Variants in ARHGEF10 observed in about 807,000 individuals in gnomAD.
ARHGEF10 encodes the protein Rho guanine nucleotide exchange factor 10.
Under a neutral mutation model 147.4 loss-of-function variants are expected in ARHGEF10, and 140 were observed. The ratio of observed to expected loss-of-function variants is 0.95; its 90% CI spans 0.83 to 1.09. The LOEUF (loss-of-function observed/expected upper bound fraction) is 1.09, where lower values mean the gene tolerates loss of function less well. Among genes scored for constraint, ARHGEF10 ranks in the 50% least tolerant of loss-of-function variants. ARHGEF10 has a pLI of 0.00. For synonymous variants in ARHGEF10, 902 were observed against 695.8 expected (o/e 1.30, Z -4.67); for missense variants, 2,222 against 1,752.7 (o/e 1.27, Z -4.78).
chr8:1,918,463 T>TGC, intron 18 of ARHGEF10, among the ~76,000 whole-genome samples: 1 of 21,568 alleles, frequency 4.6e-5, no homozygotes, highest in Non-Finnish European at 1.0e-4. Flanking sequence ...TTGATGGCTG[T>TGC]GTGTGTGTGT....
At chr8:1,857,918 C>T in intron 2 of ARHGEF10, 42 bp from the exon 3 acceptor site, 2 of 1,445,758 alleles carry the variant, frequency 1.4e-6, no homozygotes, top group South Asian at 1.2e-5. Flanking sequence ...ATCTATCTAT[C>T]TATCTATCTC....
At chr8:1,839,056 C>T (rs11776857) in intron 1 of ARHGEF10, among the ~76,000 whole-genome samples, 8,435 of 151,850 alleles carry the variant, frequency 0.056, 298 homozygotes, top group South Asian at 0.15. Flanking sequence ...GGTGTGGAAG[C>T]TGTCCGATAT....
intron 12 of ARHGEF10, 131 bp downstream of exon 12, chr8:1,893,777 G>T (rs1809743133): frequency 1.4e-6 from 1 of 697,130 alleles, no homozygotes; most frequent in African/African-American, 1.8e-5. Flanking sequence ...ATTCTCAAAA[G>T]GATCTAAGTA....
chr8:1,926,781 G>T, intron 23 of ARHGEF10: 2 of 371,506 alleles, frequency 5.4e-6, no homozygotes, highest in South Asian at 2.7e-5. Context: ...AACATTGCAT[G>T]GATTTTTTTT....
intron 25 of ARHGEF10, among the ~76,000 whole-genome samples, chr8:1,933,507 G>C (rs965687108): frequency 1.3e-5 from 2 of 148,570 alleles, no homozygotes; most frequent in African/African-American, 5.0e-5. Flanking sequence ...TGAGATTCAG[G>C]GTGAATGAGT....
At chr8:1,907,823 G>A (rs146467543) in intron 17 of ARHGEF10, among the ~76,000 whole-genome samples, 115 of 152,290 alleles carry the variant, frequency 7.6e-4, no homozygotes, top group African/African-American at 2.7e-3. Flanking sequence ...CAGCGACAGT[G>A]CCCGAAGGTG....
At chr8:1,930,348 C>T (rs1031118343) in intron 25 of ARHGEF10, among the ~76,000 whole-genome samples, 1 of 152,120 alleles carries the variant, frequency 6.6e-6, no homozygotes, top group Non-Finnish European at 1.5e-5. Context: ...CAGCTCACTC[C>T]CCCATCATCA....
chr8:1,903,217 G>T, intron 15 of ARHGEF10, 64 bp from the exon 16 acceptor site: 1 of 1,590,858 alleles, frequency 6.3e-7, no homozygotes, highest in Non-Finnish European at 8.6e-7. Context: ...GGCGGGTGAC[G>T]CGACTGTTGT....
chr8:1,922,955 A>G lies in ARHGEF10; in HGVS notation c.2144-9A>G, dbSNP rs768947226. ...GTATTCTTTTTTTTTCTTTTTGCTTATTTTGTAGACAAAGTTTACATGGGG... is the reference window on the plus strand; with the variant it reads ...GTATTCTTTTTTTTTCTTTTTGCTTGTTTTGTAGACAAAGTTTACATGGGG... On this transcript the variant is annotated splice_polypyrimidine_tract_variant and intron_variant, in intron 18 of 28. Coordinates refer to ENST00000349830, the MANE Select transcript of ARHGEF10 (RefSeq NM_014629.4). 5 of 1,588,780 alleles carry G rather than the reference A, an allele frequency of 3.1e-6. No individual in the cohort carries two copies. In the East Asian group the frequency reaches 1.1e-4, roughly 36 times the overall value.
At chr8:1,917,803 C>G (rs977172328) in intron 18 of ARHGEF10, among the ~76,000 whole-genome samples, 1 of 151,942 alleles carries the variant, frequency 6.6e-6, no homozygotes, top group Non-Finnish European at 1.5e-5. Flanking sequence ...GAGATGGAGT[C>G]TCCCTCTGTT....
chr8:1,857,919 T>TATCTA, intron 2 of ARHGEF10, 41 bp from the exon 3 acceptor site: 1 of 1,458,614 alleles, frequency 6.9e-7, no homozygotes, highest in South Asian at 1.2e-5. Flanking sequence ...TCTATCTATC[T>TATCTA]ATCTATCTCT....
chr8:1,843,364 C>T lies in ARHGEF10; in HGVS notation c.-36C>T. On this transcript the variant is annotated 5_prime_UTR_variant, in exon 2 of 29. Coordinates refer to ENST00000349830, the MANE Select transcript of ARHGEF10 (RefSeq NM_014629.4). ...TCTCCTTCTTGCAGGAGCTCCTTCC[C>T]TTAACAGAGCTGAGAGAGGCATCTG... 1 of 1,612,484 alleles carries T rather than the reference C, an allele frequency of 6.2e-7. No homozygotes were observed. Among genetic ancestry groups the T allele is most frequent in the Non-Finnish European group, 8.5e-7 (1 of 1,179,898 alleles).
chr8:1,912,460 TTGAG>T (rs1185928870), intron 18 of ARHGEF10, among the ~76,000 whole-genome samples: 1 of 116,746 alleles, frequency 8.6e-6, no homozygotes, highest in Non-Finnish European at 1.9e-5. Context: ...ATCGTGTGGG[TTGAG>T]TGTTTGCCGT....
intron 2 of ARHGEF10, among the ~76,000 whole-genome samples, chr8:1,850,203 TGGGCA>T (rs1804993340): frequency 2.2e-5 from 2 of 91,306 alleles, no homozygotes; most frequent in East Asian, 3.2e-4. Context: ...GGCGGCCACA[TGGGCA>T]TGGATGGCAA....
chr8:1,844,568 C>T (rs1425107895), intron 2 of ARHGEF10, among the ~76,000 whole-genome samples: 1 of 148,840 alleles, frequency 6.7e-6, no homozygotes, highest in Non-Finnish European at 1.5e-5. Context: ...GCCTGGAAGT[C>T]CAGCTCCTGG....
At chr8:1,896,281 A>G in intron 13 of ARHGEF10, 52 bp from the exon 14 acceptor site, 1 of 1,267,284 alleles carries the variant, frequency 7.9e-7, no homozygotes. Context: ...TATGTTGGAA[A>G]AGGGATATCT....
chr8:1,874,664 G>A (rs1019110126), intron 7 of ARHGEF10, among the ~76,000 whole-genome samples: 1,094 of 130,166 alleles, frequency 8.4e-3, no homozygotes, highest in Middle Eastern at 0.016. Context: ...ACACCAGGGT[G>A]TGTAGGGGGT....
intron 1 of ARHGEF10, among the ~76,000 whole-genome samples, chr8:1,838,365 G>A (rs79224913): frequency 0.017 from 2,590 of 152,326 alleles, 96 homozygotes; most frequent in East Asian, 0.095. Context: ...TCTTCCATCC[G>A]TCTCTGAGGC....
At chr8:1,880,518 A>G (rs1263163553) in intron 9 of ARHGEF10, among the ~76,000 whole-genome samples, 1 of 152,258 alleles carries the variant, frequency 6.6e-6, no homozygotes, top group Non-Finnish European at 1.5e-5. Context: ...TTAAGATAAC[A>G]TGTAATAGGT....
Sources: allele counts gnomAD v4.1 joint callset (sites outside exome capture counted in the v4.1 genomes callset), GRCh38; gene constraint gnomAD v4.1.1; transcripts MANE v1.5; gene names NCBI Gene and HGNC (gene_info 2026-07-23, HGNC 2026-07-21).